The following TACC3 variants were observed in gnomAD, a reference collection of about 807,000 sequenced individuals.
The protein encoded by TACC3 is transforming acidic coiled-coil-containing protein 3.
Under a neutral mutation model 86.0 loss-of-function variants are expected in TACC3, and 52 were observed. That is an observed-to-expected ratio of 0.60 (90% CI 0.48 to 0.76). TACC3 has a LOEUF of 0.76. Ranked by LOEUF, TACC3 falls within the 30% of genes least tolerant of loss-of-function variation. TACC3 has a pLI of 0.00. For synonymous variants in TACC3, 512 were observed against 430.0 expected (o/e 1.19, Z -2.36); for missense variants, 1,120 against 1,070.4 (o/e 1.05, Z -0.65).
Position 1,739,758 on chromosome 4 carries a change from C to T in TACC3, c.1998C>T (p.His666=), listed in dbSNP as rs150991238. The T allele has an allele frequency of 0.012, 18,386 of 1,586,174 alleles. 135 individuals are homozygous for T. Among genetic ancestry groups the T allele is most frequent in the Non-Finnish European group, 0.014 (16,714 of 1,167,264 alleles). ...RELRSRCEEL[H]GKNLELGKIM... ...TGAGGAGCAGGTGTGAGGAGCTCCA[C>T]GGGAAGAACCTGGAACTGGGGTAAG... Residue 666 remains histidine, a synonymous_variant, in exon 11 of 16, where the codon CAC becomes CAT. Coordinates refer to ENST00000313288, the MANE Select transcript of TACC3 (RefSeq NM_006342.3).
Position 1,737,238 on chromosome 4 carries a change from C to T in TACC3, c.1749-3C>T, listed in dbSNP as rs756898048. On this transcript the variant is annotated splice_region_variant and splice_polypyrimidine_tract_variant and intron_variant, in intron 8 of 15. Transcript: ENST00000313288. ...GACTGAGGCTGCCTCTGCTTGGTGGCAGCATGCACGGTGCAAATGAGACTC... is the reference window on the plus strand; with the variant it reads ...GACTGAGGCTGCCTCTGCTTGGTGGTAGCATGCACGGTGCAAATGAGACTC... 2 of 1,613,782 alleles carry T rather than the reference C, an allele frequency of 1.2e-6. No individual in the cohort carries two copies. The highest frequency in any genetic ancestry group is 4.5e-5 in the East Asian group (2 of 44,888).
chr4:1,735,224 T>C lies in TACC3; in HGVS notation c.1592-49T>C, dbSNP rs745818175. ...GAGGGAGACACCAGCCCGCCGCCCT[T>C]AGGGCCCTGGTGAGGGGCGATGGCG... On this transcript the variant is annotated intron_variant, in intron 6 of 15. Coordinates refer to ENST00000313288, the MANE Select transcript of TACC3 (RefSeq NM_006342.3). This position sits in a 1 kb window ranked among gnomAD's most constrained non-coding sequence, Gnocchi z 4.2. 1.2e-6 allele frequency: 2 copies of C among 1,612,110 alleles called. No individual in the cohort carries two copies. Among genetic ancestry groups the C allele is most frequent in the Non-Finnish European group, 1.7e-6 (2 of 1,178,834 alleles).
chr4:1,744,366 T>C, intron 13 of TACC3, 152 bp from the exon 14 acceptor site: 1 of 676,874 alleles, frequency 1.5e-6, no homozygotes, highest in Non-Finnish European at 2.5e-6. Context: ...GGAACTTGTG[T>C]GAAGGGGCTT....
At position 1,731,294 on chromosome 4, in the gene TACC3, C is replaced by T. The variant is rs749178571; in HGVS notation, c.1584C>T (p.Pro528=). 1.4e-5 allele frequency: 22 copies of T among 1,613,142 alleles called. No homozygotes were observed. The highest frequency in any genetic ancestry group is 1.7e-4 in the Middle Eastern group (1 of 6,046). ...TGAAAGAGGAGAGCTTCAGAGACCC[C>T]GCTGAGGGTACGTTGCCTGGCACAG... is the stretch of plus-strand genomic sequence containing the variant. ...LELKEESFRD[P]AEVLGTGAEV... The change falls in exon 6 of 16, where the codon CCC becomes CCT. Residue 528 remains proline (P), a synonymous_variant. Transcript: ENST00000313288.
chr4:1,730,830 G>C lies in TACC3; in HGVS notation c.1386-57G>C. On this transcript the variant is annotated intron_variant, in intron 4 of 15. Coordinates refer to ENST00000313288, the MANE Select transcript of TACC3 (RefSeq NM_006342.3). ...CGATGGCAGCTCAGTGCTGGAGCAG[G>C]GGACGCCGGGGTTATGGGGTGGGGG... 3.2e-6 allele frequency: 5 copies of C among 1,566,252 alleles called. No individual in the cohort carries two copies. The South Asian group carries it at 3.4e-5, about 11-fold the overall frequency.
intron 13 of TACC3, chr4:1,744,308 C>T (rs1577228617): frequency 1.8e-6 from 1 of 565,192 alleles, no homozygotes; most frequent in East Asian, 2.9e-5. Flanking sequence ...CCCGGCATCT[C>T]AGGGTGGAGA....
Position 1,735,268 on chromosome 4 carries a change from C to T in TACC3, c.1592-5C>T. The T allele has an allele frequency of 5.6e-6, 9 of 1,613,982 alleles. No homozygotes were observed. The highest frequency in any genetic ancestry group is 7.6e-6 in the Non-Finnish European group (9 of 1,180,036). On this transcript the variant is annotated splice_region_variant and splice_polypyrimidine_tract_variant and intron_variant, in intron 6 of 15. Coordinates refer to ENST00000313288, the MANE Select transcript of TACC3 (RefSeq NM_006342.3). This position sits in a 1 kb window ranked among gnomAD's most constrained non-coding sequence, Gnocchi z 4.2. ...GATGGCGGCGGCATGATTCACTCCT[C>T]TCAGTTCTAGGCACGGGCGCGGAGG... is the stretch of plus-strand genomic sequence containing the variant.
At position 1,735,398 on chromosome 4, in the gene TACC3, G is replaced by A. The variant is rs375307194; in HGVS notation, c.1644+73G>A. The A allele has an allele frequency of 1.3e-3, 2,072 of 1,577,978 alleles. 3 individuals are homozygous for A. Among genetic ancestry groups the A allele is most frequent in the Non-Finnish European group, 1.6e-3 (1,880 of 1,148,632 alleles). ...AGCAGCCACGGCAGGTCTTGCCCCC[G>A]GAGCGTCCCTTGGTGCCCACGTCCC... On this transcript the variant is annotated intron_variant, in intron 7 of 15. Transcript: ENST00000313288. This position sits in a 1 kb window ranked among gnomAD's most constrained non-coding sequence, Gnocchi z 4.2.
At chr4:1,736,253 G>A (rs560881909) in intron 8 of TACC3, among the ~76,000 whole-genome samples, 52 of 151,474 alleles carry the variant, frequency 3.4e-4, no homozygotes, top group Admixed American at 2.6e-3. Flanking sequence ...TTGAAACCCC[G>A]TCTCTACTAA....
At position 1,723,519 on chromosome 4, in the gene TACC3, C is replaced by T. The variant is rs905523646; in HGVS notation, c.98C>T (p.Ser33Leu). The change falls in exon 2 of 16, where the codon TCG (serine) becomes TTG (leucine). Residue 33 changes from serine (S) to leucine (L), a missense_variant. Ser to Leu is a moderately radical substitution (Grantham distance 145). Coordinates refer to ENST00000313288, the MANE Select transcript of TACC3 (RefSeq NM_006342.3). ...TCGCCACCAGAAGTTACCGGAAGAT[C>T]GTCTGTTCTTCGTGTGTCACAGAAA... is the stretch of plus-strand genomic sequence containing the variant. ...LFSPPEVTGR[S>L]SVLRVSQKEN... 1.2e-6 allele frequency: 2 copies of T among 1,613,768 alleles called. No individual in the cohort carries two copies. The highest frequency in any genetic ancestry group is 1.6e-4 in the Middle Eastern group (1 of 6,062).
rs776833740 is a variant in TACC3, at chr4:1,731,196, A to T, written c.1486A>T (p.Thr496Ser). 34 of 1,613,148 alleles carry T rather than the reference A, an allele frequency of 2.1e-5. No homozygotes were observed. The highest frequency in any genetic ancestry group is 1.7e-5 in the Admixed American group (1 of 60,006). ...GGAGAGAGCCTTGAACTCTGCCAGC[A>T]CCTCGCTTCCCACAAGCTGTCCAGG... ...SKERALNSAS[T>S]SLPTSCPGSE... The change falls in exon 6 of 16, where the codon ACC becomes TCC. Residue 496 changes from threonine (T) to serine (S), a missense_variant. Thr to Ser is a moderately conservative substitution (Grantham distance 58). Coordinates refer to ENST00000313288, the MANE Select transcript of TACC3 (RefSeq NM_006342.3).
At chr4:1,728,813 C>T (rs1162282280) in intron 4 of TACC3, 26 bp downstream of exon 4, 3 of 1,572,934 alleles carry the variant, frequency 1.9e-6, no homozygotes, top group Non-Finnish European at 2.6e-6. Context: ...GGATGGGGAG[C>T]GTGGCGTGGG....
chr4:1,720,957 TCTAGGACATGGA>T (rs1372665051), upstream of TACC3: 8 of 663,800 alleles, frequency 1.2e-5, no homozygotes, highest in Non-Finnish European at 1.7e-5. This position sits in a 1 kb window ranked among gnomAD's most constrained non-coding sequence, Gnocchi z 4.4. Context: ...CGCGGGGCAC[TCTAGGACATGGA>T]GTCCCGCCGC....
At position 1,735,094 on chromosome 4, in the gene TACC3, G is replaced by T. The variant is rs879109597; in HGVS notation, c.1592-179G>T. ...CTGGGGATGCCGCTCAGCACCCTGC[G>T]GTGCCCAGGAGGCGCCTGCCGCAGA... On this transcript the variant is annotated intron_variant, in intron 6 of 15. Coordinates refer to ENST00000313288, the MANE Select transcript of TACC3 (RefSeq NM_006342.3). The surrounding 1 kb of genome is among the most constrained non-coding windows in gnomAD (Gnocchi z 4.2). 6.6e-6 allele frequency among the ~76,000 whole-genome samples: 1 copy of T among 152,198 alleles called. No individual in the cohort carries two copies. Among genetic ancestry groups the T allele is most frequent in the Admixed American group, 6.5e-5 (1 of 15,280 alleles).
At position 1,740,109 on chromosome 4, in the gene TACC3, T is replaced by C. The variant is rs558926255; in HGVS notation, c.2062+107T>C. On this transcript the variant is annotated intron_variant, in intron 12 of 15. Coordinates refer to ENST00000313288, the MANE Select transcript of TACC3 (RefSeq NM_006342.3). ...TAGGACCCCACCCTCCTGAGGCCCC[T>C]TTTCCTAACACACGAGTCCCTTCAA... The C allele has an allele frequency of 1.6e-5, 18 of 1,112,782 alleles. No homozygotes were observed. In the African/African-American group the frequency reaches 2.5e-4, roughly 15 times the overall value. The allele number at this position is 1,112,782 out of a possible 1,614,324, so 68.9% of individuals were successfully genotyped here. A position where few individuals can be genotyped will look rare whatever the true frequency, so the allele number is the denominator to read the frequency against.
Position 1,730,949 on chromosome 4 carries a change from C to G in TACC3, c.1448C>G (p.Thr483Arg), listed in dbSNP as rs1373007995. Residue 483 changes from threonine to arginine, a missense_variant, in exon 5 of 16, where the codon ACA (threonine) becomes AGA (arginine). Coordinates refer to ENST00000313288, the MANE Select transcript of TACC3 (RefSeq NM_006342.3). ...PVVQLAAETPTAESKERALNS... is the reference protein window; with the variant it reads ...PVVQLAAETPRAESKERALNS... ...GTGCAGTTGGCAGCCGAGACCCCAA[C>G]AGCAGAGAGCAAGGTAAGGGGTGCT... 1 of 1,613,470 alleles carries G rather than the reference C, an allele frequency of 6.2e-7. No homozygotes were observed. Among genetic ancestry groups the G allele is most frequent in the Non-Finnish European group, 8.5e-7 (1 of 1,180,026 alleles).
chr4:1,740,129 C>A, intron 12 of TACC3, 127 bp downstream of exon 12: 1 of 912,374 alleles, frequency 1.1e-6, no homozygotes, highest in Non-Finnish European at 1.7e-6. Context: ...ACACGAGTCC[C>A]TTCAACATGG....
At chr4:1,730,554 C>G (rs1717954526) in intron 4 of TACC3, 1 of 464,018 alleles carries the variant, frequency 2.2e-6, no homozygotes, top group Non-Finnish European at 4.3e-6. Context: ...CTGCCCCAGC[C>G]TCCACATTTG....
rs1419924296 is a variant in TACC3 at position 1,735,806 on chromosome 4, C to T, written c.1720C>T (p.Pro574Ser). 2 of 1,598,442 alleles carry T rather than the reference C, an allele frequency of 1.3e-6. No homozygotes were observed. Among genetic ancestry groups the T allele is most frequent in the African/African-American group, 1.3e-5 (1 of 74,214 alleles). ...DPLLRDSPGRPVPVATETSSM... is the reference protein window; with the variant it reads ...DPLLRDSPGRSVPVATETSSM... Reference sequence around the variant, plus strand: ...CCTCCTGAGGGACAGTCCTGGTAGACCAGTGCCCGTGGCCACCGAGACCAG... The same window carrying T: ...CCTCCTGAGGGACAGTCCTGGTAGATCAGTGCCCGTGGCCACCGAGACCAG... Residue 574 changes from proline (P) to serine (S), a missense_variant, in exon 8 of 16, where the codon CCA (proline) becomes TCA (serine). Transcript: ENST00000313288. The surrounding 1 kb of genome is among the most constrained non-coding windows in gnomAD (Gnocchi z 4.2).
Sources: gnomAD v4.1 joint callset for allele counts (sites outside exome capture counted in the v4.1 genomes callset) on GRCh38, gnomAD v4.1.1 for gene constraint, Gnocchi (gnomAD v3.1) non-coding constraint, MANE v1.5 for transcripts, NCBI Gene and HGNC (gene_info 2026-07-23, HGNC 2026-07-21) for gene names.